NEBL: variants seen among roughly 807,000 people sequenced by gnomAD.
NEBL encodes nebulette.
In NEBL, 122 loss-of-function variants were observed where a neutral mutation model predicts 140.2. That is an observed-to-expected ratio of 0.87 (90% confidence interval 0.75 to 1.01). The LOEUF is 1.01. Ranked by LOEUF, NEBL falls within the 50% of genes least tolerant of loss-of-function variation. The probability of loss-of-function intolerance (pLI) is 0.00; values close to 1 mark genes in which losing one functional copy is unlikely to be tolerated. For missense variants in NEBL, 1,365 were observed against 1,231.3 expected, an observed-to-expected ratio of 1.11 and a Z score of -1.62; for synonymous variants, 436 against 398.9, an observed-to-expected ratio of 1.09 and a Z score of -1.11.
At chr10:21,240,787 G>C (rs1188547326) in intron 3 of NEBL, among the ~76,000 whole-genome samples, 2 of 151,922 alleles carry the variant, frequency 1.3e-5, no homozygotes, top group Non-Finnish European at 2.9e-5. Flanking sequence ...TTCTGGGTTA[G>C]GATAAGTAAG....
chr10:21,260,284 A>G (rs1388943308), intron 1 of NEBL, among the ~76,000 whole-genome samples: 1 of 152,190 alleles, frequency 6.6e-6, no homozygotes. Flanking sequence ...TATCTGCTTA[A>G]GAGCCACTTT....
intron 14 of NEBL, among the ~76,000 whole-genome samples, chr10:20,832,976 G>C (rs964912914): frequency 6.6e-6 from 1 of 152,158 alleles, no homozygotes; most frequent in Non-Finnish European, 1.5e-5. Context: ...TGTTTCATTT[G>C]AAGGCCAACA....
At chr10:21,219,260 G>C (rs1281098291) in intron 3 of NEBL, among the ~76,000 whole-genome samples, 1 of 152,202 alleles carries the variant, frequency 6.6e-6, no homozygotes, top group Non-Finnish European at 1.5e-5. Context: ...AATTAAAAAT[G>C]TATTTTTTAT....
At chr10:21,177,011 A>T (rs1413459250), upstream of NEBL, among the ~76,000 whole-genome samples, 2 of 152,216 alleles carry the variant, frequency 1.3e-5, no homozygotes, top group African/African-American at 4.8e-5. Flanking sequence ...TTTGACTAAT[A>T]CCAGTTTGGA....
chr10:21,281,561 T>C (rs1842994644), intron 1 of NEBL, among the ~76,000 whole-genome samples: 1 of 151,674 alleles, frequency 6.6e-6, no homozygotes, highest in Non-Finnish European at 1.5e-5. Flanking sequence ...ATGTGCAGAG[T>C]TCCCGCACAG....
At chr10:21,150,721 AAAAGTC>A (rs1194897468) in intron 2 of NEBL, among the ~76,000 whole-genome samples, 1 of 152,230 alleles carries the variant, frequency 6.6e-6, no homozygotes, top group Non-Finnish European at 1.5e-5. Flanking sequence ...CCTTCTGTAC[AAAAGTC>A]ACACCCGAAG....
chr10:20,938,798 C>A (rs1019372699), intron 4 of NEBL, among the ~76,000 whole-genome samples: 4 of 152,126 alleles, frequency 2.6e-5, no homozygotes, highest in Non-Finnish European at 1.5e-5. Context: ...AATGCACGAG[C>A]CTCAGTAGCC....
intron 3 of NEBL, among the ~76,000 whole-genome samples, chr10:21,230,170 T>G (rs1385152175): frequency 6.6e-6 from 1 of 152,188 alleles, no homozygotes; most frequent in African/African-American, 2.4e-5. Context: ...CTCACCCTAG[T>G]TTTCCACATG....
intron 12 of NEBL, among the ~76,000 whole-genome samples, chr10:20,843,427 G>C (rs963005396): frequency 2.6e-5 from 4 of 151,722 alleles, no homozygotes; most frequent in African/African-American, 9.7e-5. Flanking sequence ...AATAAATTAA[G>C]ACTCACTCCA....
intron 4 of NEBL, among the ~76,000 whole-genome samples, chr10:20,923,059 T>G (rs1392716123): frequency 6.6e-6 from 1 of 152,096 alleles, no homozygotes; most frequent in Non-Finnish European, 1.5e-5. Flanking sequence ...GTTCTTCTTT[T>G]TCTTCTTTTT....
chr10:21,188,374 T>C (rs1841511884), intron 3 of NEBL, among the ~76,000 whole-genome samples: 1 of 152,172 alleles, frequency 6.6e-6, no homozygotes, highest in African/African-American at 2.4e-5. Flanking sequence ...AAAATCCAAG[T>C]ACCTCAGCAT....
chr10:20,905,375 A>T (rs1262638402), intron 4 of NEBL, among the ~76,000 whole-genome samples: 1 of 152,146 alleles, frequency 6.6e-6, no homozygotes, highest in African/African-American at 2.4e-5. Context: ...ATGGCTGGGG[A>T]GGCCTCAGGA....
intron 3 of NEBL, among the ~76,000 whole-genome samples, chr10:20,973,761 C>T (rs1489079979): frequency 1.3e-5 from 2 of 152,202 alleles, no homozygotes; most frequent in African/African-American, 4.8e-5. Flanking sequence ...GATTTAGGAA[C>T]TAGAACCCAA....
intron 2 of NEBL, among the ~76,000 whole-genome samples, chr10:21,034,167 G>GAAAAAAAAAAAAAAAAAAA (rs964552949): frequency 3.0e-5 from 1 of 33,508 alleles, no homozygotes; most frequent in Admixed American, 3.8e-4. Flanking sequence ...ACCCTATCTC[G>GAAAAAAAAAAAAAAAAAAA]AAAAAAAAAA....
Position 21,093,308 on chromosome 10 carries a change from C to T in NEBL, c.165-73107G>A, listed in dbSNP as rs75932093. On this transcript the variant is annotated intron_variant, in intron 2 of 6. Transcript: ENST00000417816. ...GGTCCACCAGCCCAGAAGCATTGGA[C>T]GCATTTTATCATAGGACCATGAGTT... 7.5e-3 allele frequency among the ~76,000 whole-genome samples: 1,132 copies of T among 151,924 alleles called. 20 individuals carry two copies. Among genetic ancestry groups the T allele is most frequent in the African/African-American group, 0.026 (1,088 of 41,424 alleles).
intron 1 of NEBL, among the ~76,000 whole-genome samples, chr10:21,284,369 C>A (rs573302747): frequency 1.7e-4 from 26 of 152,246 alleles, no homozygotes; most frequent in Non-Finnish European, 3.2e-4. Context: ...ATCACCGTCC[C>A]AACTTGGCTC....
Position 21,135,010 on chromosome 10 carries a change from C to T in NEBL, c.164+37373G>A, listed in dbSNP as rs766019567. Among the ~76,000 whole-genome samples, 14 of 152,234 alleles carry T rather than the reference C, an allele frequency of 9.2e-5. No individual in the cohort carries two copies. The Middle Eastern group carries it at 0.01, about 111-fold the overall frequency. ...GGATTATTCAGCTCGATTATTCACC[C>T]GCTCCACCCTCCATCGAGGGCAACG... is the stretch of plus-strand genomic sequence containing the variant. On this transcript the variant is annotated intron_variant, in intron 2 of 6. Coordinates refer to the NEBL transcript ENST00000417816.
At chr10:21,049,555 A>G (rs1834674608) in intron 2 of NEBL, among the ~76,000 whole-genome samples, 1 of 152,062 alleles carries the variant, frequency 6.6e-6, no homozygotes, top group Non-Finnish European at 1.5e-5. Flanking sequence ...TTGTTCTCCC[A>G]CCCATCTATT....
chr10:20,857,389 AT>A (rs1354869325), intron 9 of NEBL, among the ~76,000 whole-genome samples: 1 of 152,096 alleles, frequency 6.6e-6, no homozygotes, highest in Non-Finnish European at 1.5e-5. Flanking sequence ...ATTTTTTCTC[AT>A]GTCTTCCCCA....
Sources: allele counts gnomAD v4.1 joint callset (sites outside exome capture counted in the v4.1 genomes callset), GRCh38; gene constraint gnomAD v4.1.1; transcripts MANE v1.5; gene names NCBI Gene and HGNC (gene_info 2026-07-23, HGNC 2026-07-21).